The following BLTP3A variants were observed in gnomAD, a reference collection of about 807,000 sequenced individuals.
BLTP3A encodes the protein bridge-like lipid transfer protein family member 3A.
the BLTP3A span, among the ~76,000 whole-genome samples, chr6:34,804,977 G>T: frequency 6.6e-6 from 1 of 152,046 alleles, no homozygotes; most frequent in South Asian, 2.1e-4. Flanking sequence ...ACATCATGAG[G>T]TCATTGAGAT....
chr6:34,823,268 G>A, the BLTP3A span: 1 of 1,614,026 alleles, frequency 6.2e-7, no homozygotes, highest in Non-Finnish European at 8.5e-7. Context: ...GTCTGGATAA[G>A]GTAGAGGTGG....
the BLTP3A span, among the ~76,000 whole-genome samples, chr6:34,843,918 T>C: frequency 2.6e-5 from 4 of 152,090 alleles, no homozygotes; most frequent in Non-Finnish European, 4.4e-5. Context: ...TTTTGGTGTC[T>C]TTTGGATAAA....
the BLTP3A span, among the ~76,000 whole-genome samples, chr6:34,852,733 G>A: frequency 2.0e-5 from 3 of 151,634 alleles, no homozygotes; most frequent in Non-Finnish European, 4.4e-5. Context: ...CATAGCACCA[G>A]TAGTTGCTCA....
the BLTP3A span, among the ~76,000 whole-genome samples, chr6:34,861,687 T>G: frequency 3.9e-5 from 6 of 152,240 alleles, no homozygotes; most frequent in Non-Finnish European, 7.3e-5. Context: ...TACATGCTGC[T>G]TTATTCACTC....
chr6:34,839,970 G>A, the BLTP3A span, among the ~76,000 whole-genome samples: 1 of 152,260 alleles, frequency 6.6e-6, no homozygotes, highest in Non-Finnish European at 1.5e-5. Context: ...AGCCCCAAGA[G>A]CATAGCATCA....
chr6:34,818,839 G>A, the BLTP3A span, among the ~76,000 whole-genome samples: 1 of 152,068 alleles, frequency 6.6e-6, no homozygotes, highest in Admixed American at 6.6e-5. Context: ...TGTTTTCATA[G>A]TACCTTCTTA....
At chr6:34,850,673 C>T in the BLTP3A span, among the ~76,000 whole-genome samples, 20 of 152,056 alleles carry the variant, frequency 1.3e-4, no homozygotes, top group Non-Finnish European at 2.6e-4. Flanking sequence ...AGTGTGTCAG[C>T]TGATTTTTTT....
the BLTP3A span, among the ~76,000 whole-genome samples, chr6:34,807,805 C>T: frequency 1.3e-5 from 2 of 152,152 alleles, no homozygotes; most frequent in East Asian, 1.9e-4. Context: ...TTTGGGAGGC[C>T]GAGGTGGACG....
the BLTP3A span, among the ~76,000 whole-genome samples, chr6:34,807,504 G>A: frequency 2.3e-4 from 35 of 152,314 alleles, no homozygotes; most frequent in African/African-American, 7.7e-4. Context: ...GCAAGTCTTT[G>A]TGCTTAGAGG....
At chr6:34,794,281 A>G in the BLTP3A span, among the ~76,000 whole-genome samples, 1 of 152,202 alleles carries the variant, frequency 6.6e-6, no homozygotes, top group Non-Finnish European at 1.5e-5. Context: ...TTGCGTGCCT[A>G]TATCAAAACA....
the BLTP3A span, chr6:34,864,262 A>G: frequency 1.4e-6 from 2 of 1,466,396 alleles, no homozygotes; most frequent in African/African-American, 2.8e-5. Context: ...TGCTGCCTGT[A>G]TCAGACTGGC....
At chr6:34,823,308 C>T in the BLTP3A span, 1 of 1,613,998 alleles carries the variant, frequency 6.2e-7, no homozygotes, top group East Asian at 2.2e-5. Flanking sequence ...TCCTCGGCCC[C>T]CCAATGGACA....
the BLTP3A span, among the ~76,000 whole-genome samples, chr6:34,814,744 T>A: frequency 6.6e-6 from 1 of 152,160 alleles, no homozygotes; most frequent in East Asian, 1.9e-4. Context: ...TTTATTAATC[T>A]GGTTGAGTTG....
chr6:34,871,588 A>G, the BLTP3A span: 2 of 1,612,436 alleles, frequency 1.2e-6, no homozygotes, highest in African/African-American at 1.3e-5. Flanking sequence ...CTGCAGGATG[A>G]TATCCCCCCC....
the BLTP3A span, among the ~76,000 whole-genome samples, chr6:34,835,629 A>G: frequency 6.6e-6 from 1 of 152,146 alleles, no homozygotes; most frequent in Non-Finnish European, 1.5e-5. Context: ...TATTCTGTTC[A>G]TTGGGTACCT....
chr6:34,807,181 G>A, the BLTP3A span, among the ~76,000 whole-genome samples: 1 of 152,190 alleles, frequency 6.6e-6, no homozygotes, highest in Non-Finnish European at 1.5e-5. Flanking sequence ...TAAGGGAACT[G>A]TGTTAGGATG....
At chr6:34,795,253 A>C in the BLTP3A span, among the ~76,000 whole-genome samples, 1 of 149,806 alleles carries the variant, frequency 6.7e-6, no homozygotes. Flanking sequence ...CTAATTTAAA[A>C]ATTTCTTTGT....
the BLTP3A span, among the ~76,000 whole-genome samples, chr6:34,868,175 G>A: frequency 2.0e-5 from 3 of 151,832 alleles, no homozygotes; most frequent in South Asian, 2.1e-4. Flanking sequence ...GCGTGGTGGC[G>A]GGTGCCTGTA....
chr6:34,802,307 A>G, the BLTP3A span, among the ~76,000 whole-genome samples: 11 of 150,842 alleles, frequency 7.3e-5, no homozygotes, highest in South Asian at 1.5e-3. Flanking sequence ...CCGGGGTTCA[A>G]GCAATTCTCC....
Sources: allele counts gnomAD v4.1 joint callset (sites outside exome capture counted in the v4.1 genomes callset), GRCh38; gene constraint gnomAD v4.1.1; transcripts MANE v1.5; gene names NCBI Gene and HGNC (gene_info 2026-07-23, HGNC 2026-07-21).